Variants in RHBDL3 observed in about 807,000 individuals in gnomAD.
RHBDL3 encodes rhomboid-related protein 3.
A neutral mutation model predicts 48.2 loss-of-function variants in RHBDL3; 28 were observed. The ratio of observed to expected loss-of-function variants is 0.58; its 90% CI spans 0.43 to 0.80. RHBDL3 has a LOEUF of 0.80. Ranked by LOEUF, RHBDL3 falls within the 30% of genes least tolerant of loss-of-function variation. The pLI is 0.00. For synonymous variants in RHBDL3, 208 were observed against 232.3 expected, an observed-to-expected ratio of 0.90 and a Z score of 0.95; for missense variants, 464 against 542.7, an observed-to-expected ratio of 0.85 and a Z score of 1.44.
chr17:32,320,614 G>A (rs1227854609), intron 8 of RHBDL3, among the ~76,000 whole-genome samples: 3 of 152,198 alleles, frequency 2.0e-5, no homozygotes, highest in Non-Finnish European at 4.4e-5. Context: ...GTGAGCCGCC[G>A]CACCCGGCCA....
intron 2 of RHBDL3, among the ~76,000 whole-genome samples, chr17:32,276,447 A>G (rs1001276407): frequency 2.0e-5 from 3 of 152,154 alleles, no homozygotes; most frequent in Non-Finnish European, 4.4e-5. Flanking sequence ...ACGGGGCTGT[A>G]AATATCCATG....
intron 5 of RHBDL3, among the ~76,000 whole-genome samples, chr17:32,295,948 C>G (rs760915267): frequency 6.6e-6 from 1 of 152,030 alleles, no homozygotes. Flanking sequence ...GGGGTCCAGC[C>G]GGGCGCGGTG....
At chr17:32,267,808 C>T (rs2039672070) in intron 1 of RHBDL3, 94 bp from the exon 2 acceptor site, 2 of 1,602,888 alleles carry the variant, frequency 1.2e-6, no homozygotes, top group Non-Finnish European at 8.5e-7. Context: ...GAGGCTATGT[C>T]AGAAACATCC....
At chr17:32,281,927 G>C (rs1031609189) in intron 2 of RHBDL3, among the ~76,000 whole-genome samples, 3 of 152,210 alleles carry the variant, frequency 2.0e-5, no homozygotes, top group Admixed American at 1.3e-4. Context: ...GGAGTGCTCA[G>C]CTGTCTGGAG....
intron 7 of RHBDL3, among the ~76,000 whole-genome samples, chr17:32,313,948 G>A (rs542736495): frequency 2.1e-4 from 32 of 151,830 alleles, no homozygotes; most frequent in South Asian, 2.1e-4. Flanking sequence ...TAGTAGAGAC[G>A]GGATTTCACC....
At chr17:32,290,099 C>T (rs190844717) in intron 4 of RHBDL3, among the ~76,000 whole-genome samples, 1 of 152,304 alleles carries the variant, frequency 6.6e-6, no homozygotes, top group Non-Finnish European at 1.5e-5. Context: ...GCAGGATTTG[C>T]TACCAGGCCA....
Position 32,305,424 on chromosome 17 carries a change from C to T in RHBDL3, c.865C>T (p.Leu289=), listed in dbSNP as rs1437555786. 1 of 1,611,540 alleles carries T rather than the reference C, an allele frequency of 6.2e-7. No homozygotes were observed. The highest frequency in any genetic ancestry group is 8.5e-7 in the Non-Finnish European group (1 of 1,177,766). The change falls in exon 7 of 9, where the codon CTG becomes TTG. Residue 289 remains leucine (L), a synonymous_variant. Transcript: ENST00000269051. ...GGVYALVSAH[L]ANIVMNWSGM... ...GGTGTATGCTCTCGTCTCTGCCCATCTGGCCAACATTGTCATGGTGAGCAC... is the reference window on the plus strand; with the variant it reads ...GGTGTATGCTCTCGTCTCTGCCCATTTGGCCAACATTGTCATGGTGAGCAC...
At chr17:32,278,294 C>T (rs1434131733) in intron 2 of RHBDL3, among the ~76,000 whole-genome samples, 3 of 152,034 alleles carry the variant, frequency 2.0e-5, no homozygotes, top group African/African-American at 7.2e-5. Flanking sequence ...GAGACTCCAT[C>T]TCAAAAAAAT....
rs1456468179 is a variant in RHBDL3, at chr17:32,323,844, A to C, written c.*2615A>C. 6.6e-6 allele frequency: 1 copy of C among 152,510 alleles called. No individual in the cohort carries two copies. Among genetic ancestry groups the C allele is most frequent in the East Asian group, 1.9e-4 (1 of 5,184 alleles). 9.4% of individuals were successfully genotyped at this position (152,510 alleles called of 1,614,324 possible). ...AAGCGGGGCCACAGGGTGGGGTCAT[A>C]GGGTCACTTCACCTGACCCAGGCCT... is the stretch of plus-strand genomic sequence containing the variant. On this transcript the variant is annotated 3_prime_UTR_variant, in exon 9 of 9. Transcript: ENST00000269051.
intron 6 of RHBDL3, among the ~76,000 whole-genome samples, chr17:32,302,759 G>A (rs764546877): frequency 2.6e-5 from 4 of 152,026 alleles, no homozygotes; most frequent in Non-Finnish European, 4.4e-5. Flanking sequence ...ATCGGGACCC[G>A]AGCCGCGGCC....
intron 2 of RHBDL3, among the ~76,000 whole-genome samples, chr17:32,269,660 G>A (rs548249814): frequency 2.0e-5 from 3 of 152,224 alleles, no homozygotes; most frequent in Admixed American, 1.3e-4. Context: ...GAGGGAGCCC[G>A]CTGCGCCACT....
intron 2 of RHBDL3, among the ~76,000 whole-genome samples, chr17:32,274,783 C>T (rs80152537): frequency 0.024 from 3,580 of 150,662 alleles, 126 homozygotes; most frequent in African/African-American, 0.084. Context: ...TTGCGGCAGT[C>T]GCATGTGTAT....
chr17:32,310,405 C>A (rs1267349062), intron 7 of RHBDL3, among the ~76,000 whole-genome samples: 1 of 151,750 alleles, frequency 6.6e-6, no homozygotes, highest in African/African-American at 2.4e-5. Flanking sequence ...TACGTGAAAC[C>A]CCATATCTAC....
chr17:32,298,169 G>A lies in RHBDL3; in HGVS notation c.746G>A (p.Arg249Gln), dbSNP rs1025078781. The change falls in exon 6 of 9, where the codon CGA (arginine) becomes CAA (glutamine). Residue 249 changes from arginine to glutamine, a missense_variant. Arg to Gln is a conservative substitution (Grantham distance 43). Coordinates refer to ENST00000269051, the MANE Select transcript of RHBDL3 (RefSeq NM_138328.3). ...CTGGAGATGGTGCATGGAGCCACCC[G>A]AATTGGGCTTGTCTACGTGGCCGGT... ...VPLEMVHGATRIGLVYVAGVV... is the reference protein window; with the variant it reads ...VPLEMVHGATQIGLVYVAGVV... The A allele has an allele frequency of 1.4e-5, 23 of 1,613,862 alleles. No individual in the cohort carries two copies. The highest frequency in any genetic ancestry group is 4.0e-5 in the African/African-American group (3 of 74,944).
chr17:32,266,672 C>T (rs760308543), intron 1 of RHBDL3, among the ~76,000 whole-genome samples: 1 of 152,210 alleles, frequency 6.6e-6, no homozygotes, highest in Non-Finnish European at 1.5e-5. Flanking sequence ...TGCGAGCTCC[C>T]GGAGCTGGGG....
At position 32,291,807 on chromosome 17, in the gene RHBDL3, T is replaced by C. The variant is rs570297733; in HGVS notation, c.520-2487T>C. Among the ~76,000 whole-genome samples the C allele has an allele frequency of 2.9e-4, 43 of 147,392 alleles. No homozygotes were observed. The South Asian group carries it at 7.4e-3, about 25-fold the overall frequency. The stretch of plus-strand genomic sequence containing the variant: ...TTTTTTTTTAGACAGAGTCTCCCTC[T>C]GTCACCCAGGCTGGAATGCCGTGGC... On this transcript the variant is annotated intron_variant, in intron 4 of 8. Transcript: ENST00000269051.
chr17:32,289,720 G>A (rs991062432), intron 4 of RHBDL3, among the ~76,000 whole-genome samples: 1 of 152,094 alleles, frequency 6.6e-6, no homozygotes, highest in African/African-American at 2.4e-5. Context: ...AATTCTTTTG[G>A]GTCCTCCACT....
intron 4 of RHBDL3, among the ~76,000 whole-genome samples, chr17:32,292,390 C>G (rs2040351419): frequency 6.6e-6 from 1 of 152,034 alleles, no homozygotes; most frequent in African/African-American, 2.4e-5. Context: ...GAATATATCC[C>G]AAAAGAATTG....
chr17:32,296,767 G>A (rs952695307), intron 5 of RHBDL3, among the ~76,000 whole-genome samples: 5 of 149,654 alleles, frequency 3.3e-5, no homozygotes, highest in Non-Finnish European at 7.4e-5. Flanking sequence ...TTAAACACCC[G>A]TAGCTCTTTT....
Sources: allele counts gnomAD v4.1 joint callset (sites outside exome capture counted in the v4.1 genomes callset), GRCh38; gene constraint gnomAD v4.1.1; transcripts MANE v1.5; gene names NCBI Gene and HGNC (gene_info 2026-07-23, HGNC 2026-07-21).